Variants in NAALADL2 observed in about 807,000 individuals in gnomAD.
NAALADL2 encodes N-acetylated alpha-linked acidic dipeptidase like 2.
In NAALADL2, 76 loss-of-function variants were observed where a neutral mutation model predicts 87.2. The observed-to-expected ratio is 0.87, with a 90% CI of 0.72 to 1.05. The LOEUF (loss-of-function observed/expected upper bound fraction) is 1.05. Among genes scored for constraint, NAALADL2 ranks in the 50% least tolerant of loss-of-function variants. The probability of loss-of-function intolerance (pLI) is 0.00; values close to 1 mark genes in which losing one functional copy is unlikely to be tolerated. For missense variants in NAALADL2, 1,089 were observed against 945.8 expected, an observed-to-expected ratio of 1.15 and a Z score of -1.99; for synonymous variants, 354 against 331.0, an observed-to-expected ratio of 1.07 and a Z score of -0.75.
intron 3 of NAALADL2, among the ~76,000 whole-genome samples, chr3:174,769,033 A>T (rs1714203166): frequency 1.3e-5 from 2 of 151,814 alleles, no homozygotes; most frequent in African/African-American, 4.8e-5. Context: ...TTATTTTAAT[A>T]TTTATTTTAA....
intron 1 of NAALADL2, among the ~76,000 whole-genome samples, chr3:174,494,708 A>C (rs1468086342): frequency 3.3e-5 from 5 of 151,984 alleles, no homozygotes; most frequent in African/African-American, 1.2e-4. Flanking sequence ...GAAAAAGAGG[A>C]AGGTATGAGT....
At position 174,923,846 on chromosome 3, in the gene NAALADL2, A is replaced by C. The variant is rs1459246279; in HGVS notation, c.43+64396A>C. On this transcript the variant is annotated intron_variant, in intron 1 of 13. Coordinates refer to ENST00000454872, the MANE Select transcript of NAALADL2 (RefSeq NM_207015.3). ...ATGGCACTGTAGAGGTAGAATACAG[A>C]ACCTCAATTTGTGATATTTTTTGGG... Among the ~76,000 whole-genome samples, 4 of 152,250 alleles carry C rather than the reference A, an allele frequency of 2.6e-5. No individual in the cohort carries two copies. In the East Asian group the frequency reaches 7.7e-4, roughly 29 times the overall value.
chr3:175,286,077 T>C (rs1382295283), intron 4 of NAALADL2, among the ~76,000 whole-genome samples: 1 of 152,202 alleles, frequency 6.6e-6, no homozygotes, highest in Admixed American at 6.5e-5. Flanking sequence ...GGAAAACAAG[T>C]ATGTTTATGA....
intron 5 of NAALADL2, among the ~76,000 whole-genome samples, chr3:175,378,076 G>C (rs2148974140): frequency 6.6e-6 from 1 of 152,288 alleles, no homozygotes; most frequent in East Asian, 1.9e-4. Flanking sequence ...GTCCACAGAT[G>C]GCAGAGCTAA....
At chr3:175,637,382 A>T (rs574903975) in intron 11 of NAALADL2, among the ~76,000 whole-genome samples, 11 of 152,280 alleles carry the variant, frequency 7.2e-5, no homozygotes, top group African/African-American at 2.6e-4. Flanking sequence ...TTGATATGTG[A>T]TTTAACAGTT....
chr3:175,598,395 C>G (rs1283411011), intron 10 of NAALADL2, among the ~76,000 whole-genome samples: 1 of 150,692 alleles, frequency 6.6e-6, no homozygotes, highest in Non-Finnish European at 1.5e-5. Flanking sequence ...ATGGAAGGAG[C>G]AGGTGAAAAT....
intron 10 of NAALADL2, among the ~76,000 whole-genome samples, chr3:175,618,241 A>G (rs555189896): frequency 9.2e-5 from 14 of 152,276 alleles, no homozygotes; most frequent in African/African-American, 2.9e-4. Context: ...TGTAGAGAAA[A>G]GGGGACCTGG....
intron 2 of NAALADL2, among the ~76,000 whole-genome samples, chr3:174,648,416 T>C (rs1264719122): frequency 3.3e-5 from 5 of 152,208 alleles, no homozygotes; most frequent in Non-Finnish European, 5.9e-5. Context: ...TTTGATACTA[T>C]TGGCAGTATC....
intron 2 of NAALADL2, among the ~76,000 whole-genome samples, chr3:174,600,552 A>AT (rs983152710): frequency 8.5e-5 from 13 of 152,086 alleles, no homozygotes; most frequent in African/African-American, 3.1e-4. Context: ...AAAATTTTTA[A>AT]TTTTTGTGAG....
At chr3:175,132,983 G>C (rs562728061) in intron 2 of NAALADL2, among the ~76,000 whole-genome samples, 38 of 151,956 alleles carry the variant, frequency 2.5e-4, no homozygotes, top group African/African-American at 8.7e-4. Context: ...CGGCCGGGCA[G>C]AGACGCTCCT....
intron 9 of NAALADL2, among the ~76,000 whole-genome samples, chr3:175,518,616 C>G (rs973752913): frequency 1.4e-4 from 22 of 152,190 alleles, no homozygotes; most frequent in African/African-American, 4.8e-4. Context: ...CTCCAAGTCC[C>G]GAGGTGGTAC....
chr3:174,674,509 C>CT (rs369487471), intron 2 of NAALADL2, among the ~76,000 whole-genome samples: 51 of 149,122 alleles, frequency 3.4e-4, no homozygotes, highest in Admixed American at 1.9e-3. Flanking sequence ...ACCACTCTTC[C>CT]TTTTTTTTTT....
chr3:174,456,266 T>A (rs1715824751), intron 1 of NAALADL2, among the ~76,000 whole-genome samples: 1 of 152,044 alleles, frequency 6.6e-6, no homozygotes, highest in Admixed American at 6.5e-5. Context: ...ATCAATGTTG[T>A]TAAAATGACC....
intron 9 of NAALADL2, among the ~76,000 whole-genome samples, chr3:175,508,945 A>G (rs187432445): frequency 4.6e-5 from 7 of 151,928 alleles, no homozygotes; most frequent in African/African-American, 1.4e-4. Flanking sequence ...GTGAAACCCT[A>G]TCTCTACTAA....
intron 1 of NAALADL2, among the ~76,000 whole-genome samples, chr3:174,521,323 T>C (rs765804953): frequency 2.0e-5 from 3 of 151,832 alleles, no homozygotes; most frequent in African/African-American, 4.8e-5. Flanking sequence ...GAATAAAATG[T>C]TCGGGGCCGA....
chr3:175,599,184 G>T (rs1156741864), intron 10 of NAALADL2, among the ~76,000 whole-genome samples: 2 of 151,916 alleles, frequency 1.3e-5, no homozygotes, highest in African/African-American at 4.8e-5. Context: ...AGGTACTGTA[G>T]GATAACAATT....
At chr3:175,540,697 A>G (rs1194730003) in intron 9 of NAALADL2, among the ~76,000 whole-genome samples, 1 of 152,022 alleles carries the variant, frequency 6.6e-6, no homozygotes, top group Non-Finnish European at 1.5e-5. Flanking sequence ...GTTTGAGAGT[A>G]GGGTTGACAG....
At chr3:175,295,501 C>T (rs1233320774) in intron 4 of NAALADL2, among the ~76,000 whole-genome samples, 2 of 152,030 alleles carry the variant, frequency 1.3e-5, no homozygotes, top group Non-Finnish European at 2.9e-5. Flanking sequence ...TGCATGCCCT[C>T]GTACAAAAAA....
intron 11 of NAALADL2, among the ~76,000 whole-genome samples, chr3:175,640,654 A>C (rs1265098829): frequency 6.6e-6 from 1 of 152,192 alleles, no homozygotes; most frequent in Non-Finnish European, 1.5e-5. Flanking sequence ...CTTTTTATTC[A>C]CAATAGCATT....
Sources: allele counts gnomAD v4.1 joint callset (sites outside exome capture counted in the v4.1 genomes callset), GRCh38; gene constraint gnomAD v4.1.1; transcripts MANE v1.5; gene names NCBI Gene and HGNC (gene_info 2026-07-23, HGNC 2026-07-21).